TMC1: variants seen among roughly 807,000 people sequenced by gnomAD.
The protein encoded by TMC1 is transmembrane channel-like protein 1.
TMC1 carries 84 observed loss-of-function variants against 105.8 expected under a neutral mutation model. The ratio of observed to expected loss-of-function variants is 0.79; its 90% CI spans 0.67 to 0.95. TMC1 has a LOEUF of 0.95. Ranked by LOEUF, TMC1 falls within the 40% of genes least tolerant of loss-of-function variation. The probability of loss-of-function intolerance (pLI) is 0.00; values close to 1 mark genes in which losing one functional copy is unlikely to be tolerated. For synonymous variants in TMC1, 315 were observed against 311.5 expected, an observed-to-expected ratio of 1.01 and a Z score of -0.12; for missense variants, 817 against 914.1, an observed-to-expected ratio of 0.89 and a Z score of 1.37.
Position 72,772,574 on chromosome 9 carries a change from T to C in TMC1, c.884+19T>C. 6.2e-7 allele frequency: 1 copy of C among 1,613,608 alleles called. No homozygotes were observed. The highest frequency in any genetic ancestry group is 2.2e-5 in the East Asian group (1 of 44,862). On this transcript the variant is annotated intron_variant, in intron 13 of 23. Transcript: ENST00000297784. ...TCAAAGCGTAAGTTTCATTTGTCTT[T>C]TGGGAAGCAAATAATGATTTCTGGA...
intron 18 of TMC1, among the ~76,000 whole-genome samples, chr9:72,806,816 A>T (rs908341713): frequency 3.3e-5 from 5 of 151,424 alleles, no homozygotes; most frequent in Non-Finnish European, 7.4e-5. Context: ...CACATCCCAG[A>T]CGATGGGCGG....
At chr9:72,646,401 A>T (rs1178838587) in intron 4 of TMC1, among the ~76,000 whole-genome samples, 1 of 152,144 alleles carries the variant, frequency 6.6e-6, no homozygotes, top group Non-Finnish European at 1.5e-5. Context: ...AGAGATTCTA[A>T]TCATCTTCAT....
intron 4 of TMC1, among the ~76,000 whole-genome samples, chr9:72,632,692 C>T (rs1825470317): frequency 6.6e-6 from 1 of 151,706 alleles, no homozygotes; most frequent in South Asian, 2.1e-4. Flanking sequence ...GAAAGGCTCA[C>T]AAATTCCAAT....
intron 1 of TMC1, among the ~76,000 whole-genome samples, chr9:72,543,230 T>C (rs891729485): frequency 2.0e-5 from 3 of 152,166 alleles, no homozygotes; most frequent in African/African-American, 7.2e-5. Flanking sequence ...AACTTTTCCT[T>C]GGTTCCTCTT....
At chr9:72,534,055 C>T (rs1181041781) in intron 1 of TMC1, among the ~76,000 whole-genome samples, 1 of 152,078 alleles carries the variant, frequency 6.6e-6, no homozygotes, top group Non-Finnish European at 1.5e-5. Flanking sequence ...ATCGCTTAAA[C>T]CTGGGAGGCA....
At chr9:72,533,490 C>A (rs1416586385) in intron 1 of TMC1, among the ~76,000 whole-genome samples, 6 of 152,170 alleles carry the variant, frequency 3.9e-5, no homozygotes, top group Non-Finnish European at 7.3e-5. Context: ...CCAGCAACCA[C>A]CAGAGTTGTG....
rs75732741 is a variant in TMC1, at chr9:72,770,587, A to G, written c.742-1826A>G. On this transcript the variant is annotated intron_variant, in intron 12 of 23. Coordinates refer to ENST00000297784, the MANE Select transcript of TMC1 (RefSeq NM_138691.3). Reference sequence around the variant, plus strand: ...GTGTGAGTCACCATGTCTGGCTGATATATATAATTTATAAGTTAATATAAA... The same window carrying G: ...GTGTGAGTCACCATGTCTGGCTGATGTATATAATTTATAAGTTAATATAAA... Among the ~76,000 whole-genome samples the G allele has an allele frequency of 2.6e-3, 388 of 151,198 alleles. 5 individuals are homozygous for G. Among genetic ancestry groups the G allele is most frequent in the African/African-American group, 8.8e-3 (363 of 41,288 alleles).
chr9:72,740,269 C>A (rs1159202872), intron 9 of TMC1, 60 bp downstream of exon 9: 2 of 1,468,804 alleles, frequency 1.4e-6, no homozygotes, highest in Admixed American at 3.4e-5. Flanking sequence ...AACACTGGTT[C>A]TTTTCTAAAG....
chr9:72,699,548 A>T (rs1826607164), intron 7 of TMC1, among the ~76,000 whole-genome samples: 1 of 152,212 alleles, frequency 6.6e-6, no homozygotes, highest in Admixed American at 6.5e-5. Context: ...AACGAAATGT[A>T]GAATTGAGGG....
chr9:72,573,654 C>CT (rs1344181986), intron 1 of TMC1, among the ~76,000 whole-genome samples: 2 of 152,146 alleles, frequency 1.3e-5, no homozygotes, highest in African/African-American at 4.8e-5. Flanking sequence ...TATAATGATT[C>CT]TAAATCATTC....
At chr9:72,701,075 A>G (rs930026581) in intron 8 of TMC1, among the ~76,000 whole-genome samples, 3 of 152,070 alleles carry the variant, frequency 2.0e-5, no homozygotes, top group African/African-American at 7.2e-5. Context: ...TCTTTGAAAG[A>G]GATAATATAT....
At chr9:72,712,285 GT>G (rs1564507566) in intron 8 of TMC1, among the ~76,000 whole-genome samples, 1 of 152,200 alleles carries the variant, frequency 6.6e-6, no homozygotes, top group East Asian at 1.9e-4. Context: ...ATGTAAAGTA[GT>G]TTTTTTCAAG....
intron 4 of TMC1, among the ~76,000 whole-genome samples, chr9:72,633,056 G>A (rs1825476367): frequency 6.6e-6 from 1 of 151,958 alleles, no homozygotes; most frequent in African/African-American, 2.4e-5. Flanking sequence ...GAGCTTCAAG[G>A]TGTATTTTGG....
intron 17 of TMC1, among the ~76,000 whole-genome samples, chr9:72,802,674 C>A (rs1828496790): frequency 6.6e-6 from 1 of 152,006 alleles, no homozygotes; most frequent in Non-Finnish European, 1.5e-5. Context: ...ATCTCTGGGA[C>A]ATACTTGAAG....
At chr9:72,723,592 T>C (rs1827068125) in intron 8 of TMC1, among the ~76,000 whole-genome samples, 1 of 152,232 alleles carries the variant, frequency 6.6e-6, no homozygotes, top group South Asian at 2.1e-4. Context: ...AGCAAATTAT[T>C]GTGGTTAACT....
intron 13 of TMC1, among the ~76,000 whole-genome samples, chr9:72,784,446 G>A (rs1227032937): frequency 6.6e-6 from 1 of 152,168 alleles, no homozygotes; most frequent in Non-Finnish European, 1.5e-5. Flanking sequence ...AAAAACAGAT[G>A]CTGGCATGAC....
chr9:72,555,973 CAAAAAAAAAAAAAA>C (rs59431883), intron 1 of TMC1, among the ~76,000 whole-genome samples: 4 of 42,566 alleles, frequency 9.4e-5, no homozygotes, highest in Non-Finnish European at 1.6e-4. Context: ...ATGACTAAGG[CAAAAAAAAAAAAAA>C]AAAAAAAAAA....
At chr9:72,544,404 C>T (rs1212498039) in intron 1 of TMC1, among the ~76,000 whole-genome samples, 1 of 152,056 alleles carries the variant, frequency 6.6e-6, no homozygotes, top group South Asian at 2.1e-4. Flanking sequence ...TCTTTCCTAA[C>T]TCAAGGTCTT....
At chr9:72,829,301 T>C (rs1829005883) in intron 21 of TMC1, among the ~76,000 whole-genome samples, 1 of 152,204 alleles carries the variant, frequency 6.6e-6, no homozygotes. Flanking sequence ...GAGTTCAGGT[T>C]AGTTCTCTGC....
Sources: allele counts gnomAD v4.1 joint callset (sites outside exome capture counted in the v4.1 genomes callset), GRCh38; gene constraint gnomAD v4.1.1; transcripts MANE v1.5; gene names NCBI Gene and HGNC (gene_info 2026-07-23, HGNC 2026-07-21).